The following PLOD2 variants were observed in gnomAD, a reference collection of about 807,000 sequenced individuals.
The protein encoded by PLOD2 is lysine hydroxylase 2.
PLOD2 carries 65 observed loss-of-function variants against 101.0 expected under a neutral mutation model. The ratio of observed to expected loss-of-function variants is 0.64; its 90% CI spans 0.53 to 0.79. The LOEUF is 0.79. Ranked by LOEUF, PLOD2 falls within the 30% of genes least tolerant of loss-of-function variation. The pLI is 0.00. For synonymous variants in PLOD2, 314 were observed against 302.9 expected, an observed-to-expected ratio of 1.04 and a Z score of -0.38; for missense variants, 909 against 914.6, an observed-to-expected ratio of 0.99 and a Z score of 0.08.
chr3:146,160,006 G>GA lies in PLOD2; in HGVS notation c.109+874dup, dbSNP rs555394148. On this transcript the variant is annotated intron_variant, in intron 1 of 19. Coordinates refer to ENST00000282903, the MANE Select transcript of PLOD2 (RefSeq NM_182943.3). ...AAAGCACTCTATTATAAACTTGGGG[G>GA]AAAAAATGGTGCCAAGATGACTTAA... Among the ~76,000 whole-genome samples the GA allele has an allele frequency of 4.0e-3, 605 of 152,066 alleles. 1 individual carries two copies. Among genetic ancestry groups the GA allele is most frequent in the African/African-American group, 0.014 (582 of 41,516 alleles).
intron 1 of PLOD2, among the ~76,000 whole-genome samples, chr3:146,156,473 T>G (rs2032306886): frequency 6.6e-6 from 1 of 152,266 alleles, no homozygotes; most frequent in Admixed American, 6.5e-5. Flanking sequence ...TAATTTCATA[T>G]AATTTTCATG....
chr3:146,154,575 A>C (rs2108146816), intron 1 of PLOD2, among the ~76,000 whole-genome samples: 1 of 152,306 alleles, frequency 6.6e-6, no homozygotes, highest in Admixed American at 6.5e-5. Flanking sequence ...TTAATTACAA[A>C]CCTATACAAA....
chr3:146,142,961 G>GT (rs2031595625), intron 1 of PLOD2, among the ~76,000 whole-genome samples: 1 of 151,996 alleles, frequency 6.6e-6, no homozygotes, highest in Non-Finnish European at 1.5e-5. Flanking sequence ...CCATGCTTTG[G>GT]TTATAACACA....
chr3:146,117,189 T>C (rs1937951912), intron 3 of PLOD2, among the ~76,000 whole-genome samples: 1 of 152,304 alleles, frequency 6.6e-6, no homozygotes, highest in East Asian at 1.9e-4. Flanking sequence ...AGTATATACA[T>C]CTGTGTATAT....
At chr3:146,072,476 A>G in intron 17 of PLOD2, 85 bp downstream of exon 17, 1 of 873,572 alleles carries the variant, frequency 1.1e-6, no homozygotes, top group Middle Eastern at 2.2e-4. Flanking sequence ...ACATATGAGA[A>G]AAAGTATATA....
chr3:146,151,471 T>C (rs2032050978), intron 1 of PLOD2, among the ~76,000 whole-genome samples: 1 of 151,492 alleles, frequency 6.6e-6, no homozygotes, highest in Non-Finnish European at 1.5e-5. Context: ...CACTCCAGCC[T>C]GGACAAGAAG....
intron 9 of PLOD2, among the ~76,000 whole-genome samples, 188 bp downstream of exon 9, chr3:146,088,398 A>T (rs538753716): frequency 4.4e-4 from 66 of 151,678 alleles, no homozygotes; most frequent in Non-Finnish European, 8.1e-4. Flanking sequence ...CATGTGGCTC[A>T]TATCAATATT....
chr3:146,158,068 G>A (rs1226763326), intron 1 of PLOD2, among the ~76,000 whole-genome samples: 1 of 152,170 alleles, frequency 6.6e-6, no homozygotes, highest in African/African-American at 2.4e-5. Flanking sequence ...TCATAGAATA[G>A]TAAGGTGCCT....
intron 7 of PLOD2, among the ~76,000 whole-genome samples, chr3:146,093,132 G>T (rs1320008414): frequency 1.2e-4 from 19 of 152,186 alleles, no homozygotes; most frequent in Admixed American, 1.2e-3. Context: ...ACATGAAGTA[G>T]TTGGGTACCA....
chr3:146,143,692 C>A (rs2031641030), intron 1 of PLOD2, among the ~76,000 whole-genome samples: 1 of 152,134 alleles, frequency 6.6e-6, no homozygotes, highest in South Asian at 2.1e-4. Flanking sequence ...TACAGCCACC[C>A]TTTAGAGAGG....
intron 2 of PLOD2, among the ~76,000 whole-genome samples, chr3:146,121,457 A>G (rs1434165858): frequency 6.6e-6 from 1 of 152,136 alleles, no homozygotes; most frequent in Non-Finnish European, 1.5e-5. Context: ...TGCCCTTCTC[A>G]ATTTTTACCA....
At chr3:146,084,077 G>A (rs1377247049) in intron 11 of PLOD2, among the ~76,000 whole-genome samples, 1 of 151,682 alleles carries the variant, frequency 6.6e-6, no homozygotes, top group Non-Finnish European at 1.5e-5. Context: ...ATCAAATTAA[G>A]AGAAAACAAT....
intron 1 of PLOD2, among the ~76,000 whole-genome samples, chr3:146,157,560 T>C (rs1267293634): frequency 1.3e-5 from 2 of 152,204 alleles, no homozygotes; most frequent in African/African-American, 2.4e-5. Context: ...TATTATTAAA[T>C]TGTTCTCCAA....
At chr3:146,101,627 C>A (rs1477459141) in intron 7 of PLOD2, among the ~76,000 whole-genome samples, 4 of 152,120 alleles carry the variant, frequency 2.6e-5, no homozygotes, top group African/African-American at 9.7e-5. Context: ...GTAGTGACAG[C>A]GAGTTATCTA....
chr3:146,110,141 C>T (rs1447173818), intron 4 of PLOD2, 144 bp downstream of exon 4: 4 of 711,018 alleles, frequency 5.6e-6, no homozygotes, highest in Non-Finnish European at 9.6e-6. Context: ...TCACATAATA[C>T]ATGGGAAAAT....
chr3:146,085,017 G>T (rs924605173), intron 11 of PLOD2, 152 bp downstream of exon 11: 1 of 557,622 alleles, frequency 1.8e-6, no homozygotes, highest in African/African-American at 1.9e-5. Flanking sequence ...TCCTTTAAAT[G>T]AAAAATAATT....
chr3:146,110,066 G>T (rs1410953899), intron 4 of PLOD2, among the ~76,000 whole-genome samples: 5 of 151,942 alleles, frequency 3.3e-5, no homozygotes, highest in Admixed American at 1.3e-4. Context: ...AAAAACATGA[G>T]TTTCCTCACT....
chr3:146,134,210 C>T (rs1266239961), intron 1 of PLOD2, among the ~76,000 whole-genome samples: 1 of 152,078 alleles, frequency 6.6e-6, no homozygotes, highest in Non-Finnish European at 1.5e-5. Flanking sequence ...GTGCGGATTA[C>T]ATATCAATAC....
chr3:146,099,332 T>C lies in PLOD2; in HGVS notation c.777+3423A>G, dbSNP rs147418023. Among the ~76,000 whole-genome samples, 277 of 152,300 alleles carry C rather than the reference T, an allele frequency of 1.8e-3. 2 individuals are homozygous for C. The highest frequency in any genetic ancestry group is 6.4e-3 in the African/African-American group (265 of 41,564). ...AATTTGGAAGGAATTGGTGATCACG[T>C]TGAAATCACTGAACATAAGGCCTTA... On this transcript the variant is annotated intron_variant, in intron 7 of 19. Coordinates refer to ENST00000282903, the MANE Select transcript of PLOD2 (RefSeq NM_182943.3).
Sources: allele counts gnomAD v4.1 joint callset (sites outside exome capture counted in the v4.1 genomes callset), GRCh38; gene constraint gnomAD v4.1.1; transcripts MANE v1.5; gene names NCBI Gene and HGNC (gene_info 2026-07-23, HGNC 2026-07-21).